Variants in RHOU observed in about 807,000 individuals in gnomAD.
RHOU encodes the protein ras homolog family member U, also known as rho-related GTP-binding protein RhoU.
RHOU carries 8 observed loss-of-function variants against 12.6 expected under a neutral mutation model. The observed-to-expected ratio is 0.64, with a 90% confidence interval of 0.37 to 1.15. RHOU has a LOEUF of 1.15. Ranked by LOEUF, RHOU falls within the 50% of genes most tolerant of loss-of-function variation. The probability of loss-of-function intolerance (pLI) is 0.01; values close to 1 mark genes in which losing one functional copy is unlikely to be tolerated. For synonymous variants in RHOU, 161 were observed against 147.4 expected, an observed-to-expected ratio of 1.09 and a Z score of -0.67; for missense variants, 258 against 347.0, an observed-to-expected ratio of 0.74 and a Z score of 2.04.
At chr1:228,649,664 A>T in the RHOU span, among the ~76,000 whole-genome samples, 1 of 152,162 alleles carries the variant, frequency 6.6e-6, no homozygotes, top group African/African-American at 2.4e-5. Context: ...CTTTCCCGGG[A>T]TCACATCCTA....
At chr1:228,741,836 A>G (rs922627463) in intron 2 of RHOU, among the ~76,000 whole-genome samples, 6 of 152,208 alleles carry the variant, frequency 3.9e-5, no homozygotes, top group Non-Finnish European at 8.8e-5. Context: ...TTTCGCTTAC[A>G]GAAGCCTCAC....
At chr1:228,724,620 T>C in the RHOU span, among the ~76,000 whole-genome samples, 95 of 152,224 alleles carry the variant, frequency 6.2e-4, no homozygotes, top group Non-Finnish European at 1.2e-3. Context: ...CCCAGCGAGG[T>C]GAGAACATTT....
the RHOU span, chr1:228,650,306 G>A: frequency 2.2e-6 from 1 of 464,230 alleles, no homozygotes; most frequent in Admixed American, 2.3e-5. Flanking sequence ...GCAGCGGCGG[G>A]CTGGATGGTG....
At chr1:228,725,747 G>A in the RHOU span, among the ~76,000 whole-genome samples, 3 of 152,082 alleles carry the variant, frequency 2.0e-5, no homozygotes, top group African/African-American at 7.2e-5. Context: ...CAATTACAAA[G>A]CCATCTGAAT....
rs1425866862 is a variant in RHOU at position 228,737,461 on chromosome 1, C to T, written c.263-212C>T. 6.6e-6 allele frequency among the ~76,000 whole-genome samples: 1 copy of T among 152,152 alleles called. No individual in the cohort carries two copies. Among genetic ancestry groups the T allele is most frequent in the African/African-American group, 2.4e-5 (1 of 41,428 alleles). On this transcript the variant is annotated intron_variant, in intron 1 of 2. Transcript: ENST00000366691. This position sits in a 1 kb window ranked among gnomAD's most constrained non-coding sequence, Gnocchi z 4.1. ...GCGTTCAGGGATTTGCTGCCTGGTT[C>T]ACGGTAATGGAGTGACTTGCCAGCC...
the RHOU span, among the ~76,000 whole-genome samples, chr1:228,679,735 G>A: frequency 1.8e-4 from 28 of 152,106 alleles, no homozygotes; most frequent in Admixed American, 1.2e-3. Flanking sequence ...GGCATTGATC[G>A]GGGTAAGGGT....
chr1:228,657,540 T>C, the RHOU span, among the ~76,000 whole-genome samples: 1 of 152,130 alleles, frequency 6.6e-6, no homozygotes, highest in Non-Finnish European at 1.5e-5. Context: ...ACGCAAAACC[T>C]GATAGACTGA....
the RHOU span, among the ~76,000 whole-genome samples, chr1:228,697,253 C>T: frequency 6.6e-6 from 1 of 152,180 alleles, no homozygotes; most frequent in African/African-American, 2.4e-5. Context: ...TCAGAGCTCC[C>T]CCAGGAATGG....
At chr1:228,693,497 C>T in the RHOU span, among the ~76,000 whole-genome samples, 3 of 152,170 alleles carry the variant, frequency 2.0e-5, no homozygotes, top group Non-Finnish European at 4.4e-5. Context: ...CACAGAGTCT[C>T]CCGCTATTGC....
the RHOU span, among the ~76,000 whole-genome samples, chr1:228,707,450 G>T: frequency 6.6e-6 from 1 of 151,210 alleles, no homozygotes; most frequent in South Asian, 2.1e-4. Context: ...CCAGCACGCA[G>T]CTGGAGATCT....
chr1:228,706,061 A>G, the RHOU span, among the ~76,000 whole-genome samples: 1 of 152,160 alleles, frequency 6.6e-6, no homozygotes, highest in Non-Finnish European at 1.5e-5. Context: ...ACAAAAAAAA[A>G]GAAATTTTTT....
chr1:228,649,443 G>T, the RHOU span, among the ~76,000 whole-genome samples: 1 of 152,150 alleles, frequency 6.6e-6, no homozygotes, highest in East Asian at 1.9e-4. Flanking sequence ...ATTATCTGTG[G>T]TTCCTGTTGC....
rs1662640456 is a variant in RHOU at position 228,737,824 on chromosome 1, C to T, written c.321+93C>T. 3.7e-6 allele frequency: 5 copies of T among 1,362,678 alleles called. No individual in the cohort carries two copies. Among genetic ancestry groups the T allele is most frequent in the Non-Finnish European group, 5.2e-6 (5 of 961,740 alleles). 84.4% of individuals were successfully genotyped at this position (1,362,678 alleles called of 1,614,324 possible). On this transcript the variant is annotated intron_variant, in intron 2 of 2. Transcript: ENST00000366691. This position sits in a 1 kb window ranked among gnomAD's most constrained non-coding sequence, Gnocchi z 4.1. ...TGATTCCCTCAGTCAGTAACTGGGT[C>T]ATTCTAAAGCCTCATGAAGTGGACC...
chr1:228,721,928 C>T, the RHOU span, among the ~76,000 whole-genome samples: 5 of 152,230 alleles, frequency 3.3e-5, no homozygotes, highest in African/African-American at 4.8e-5. Flanking sequence ...GCTGGGATTA[C>T]AGGCGTGAGC....
At chr1:228,683,419 G>A in the RHOU span, among the ~76,000 whole-genome samples, 5,718 of 152,234 alleles carry the variant, frequency 0.038, 363 homozygotes, top group African/African-American at 0.13. Flanking sequence ...TTACTTAGGA[G>A]ATAGGATCAG....
the RHOU span, among the ~76,000 whole-genome samples, chr1:228,668,031 G>T: frequency 6.6e-6 from 1 of 152,088 alleles, no homozygotes; most frequent in Non-Finnish European, 1.5e-5. Context: ...ATGGGACCTG[G>T]TTGCCAGAGT....
the RHOU span, among the ~76,000 whole-genome samples, chr1:228,713,771 G>A: frequency 3.3e-5 from 5 of 152,182 alleles, no homozygotes; most frequent in Non-Finnish European, 5.9e-5. Flanking sequence ...AAACAACCTG[G>A]GGCTTGCTAC....
chr1:228,738,445 C>T lies in RHOU; in HGVS notation c.321+714C>T, dbSNP rs746209642. ...GAAGTCAGGCTGTGCCTTGTGAACA[C>T]CCAGGGGTACTTGATTTTGGCAAAG... On this transcript the variant is annotated intron_variant, in intron 2 of 2. Transcript: ENST00000366691. This position sits in a 1 kb window ranked among gnomAD's most constrained non-coding sequence, Gnocchi z 4.2. Among the ~76,000 whole-genome samples, 2 of 152,144 alleles carry T rather than the reference C, an allele frequency of 1.3e-5. No homozygotes were observed. The highest frequency in any genetic ancestry group is 6.5e-5 in the Admixed American group (1 of 15,272).
chr1:228,694,251 T>C, the RHOU span, among the ~76,000 whole-genome samples: 3 of 152,244 alleles, frequency 2.0e-5, no homozygotes, highest in Admixed American at 1.3e-4. Flanking sequence ...AATATGCAGA[T>C]ACAGAGATCA....
Sources: allele counts gnomAD v4.1 joint callset (sites outside exome capture counted in the v4.1 genomes callset), GRCh38; gene constraint gnomAD v4.1.1; non-coding constraint Gnocchi (gnomAD v3.1); transcripts MANE v1.5; gene names NCBI Gene and HGNC (gene_info 2026-07-23, HGNC 2026-07-21).